Variants in GALNT2 observed in about 807,000 individuals in gnomAD.
The protein encoded by GALNT2 is UDP-GalNAc:polypeptide N-acetylgalactosaminyltransferase 2.
In GALNT2, 31 loss-of-function variants were observed where a neutral mutation model predicts 81.4. The ratio of observed to expected loss-of-function variants is 0.38; its 90% CI spans 0.29 to 0.51. The LOEUF (loss-of-function observed/expected upper bound fraction) is 0.51. Among genes scored for constraint, GALNT2 ranks in the 20% least tolerant of loss-of-function variants. GALNT2 has a pLI of 0.87. For synonymous variants in GALNT2, 303 were observed against 287.4 expected (o/e 1.05, Z -0.55); for missense variants, 629 against 765.7 (o/e 0.82, Z 2.11).
In GALNT2 at chr1:230,112,835, T is replaced by C. The variant is rs1660744538; in HGVS notation, c.126+45429T>C. On this transcript the variant is annotated intron_variant, in intron 1 of 15. Transcript: ENST00000366672. ...CAGGCCTGGCTCCGCTGGTCCACTC[T>C]TGGGCTGTGAGCCAGGACAAAATCT... is the stretch of plus-strand genomic sequence containing the variant. Among the ~76,000 whole-genome samples the C allele has an allele frequency of 3.3e-5, 5 of 152,144 alleles. 1 individual carries two copies. In the South Asian group the frequency reaches 1.0e-3, roughly 31 times the overall value.
chr1:230,242,388 T>C (rs1285502204), intron 6 of GALNT2, among the ~76,000 whole-genome samples: 1 of 152,198 alleles, frequency 6.6e-6, no homozygotes, highest in Non-Finnish European at 1.5e-5. Flanking sequence ...AAAACCCATT[T>C]TGACTGTGGA....
At chr1:230,203,847 T>TA (rs1663980572) in intron 3 of GALNT2, among the ~76,000 whole-genome samples, 1 of 152,150 alleles carries the variant, frequency 6.6e-6, no homozygotes, top group Non-Finnish European at 1.5e-5. Context: ...TTTTTAGAGA[T>TA]AGGGTCTCCC....
At position 230,104,126 on chromosome 1, in the gene GALNT2, A is replaced by G. The variant is rs199799752; in HGVS notation, c.126+36720A>G. On this transcript the variant is annotated intron_variant, in intron 1 of 15. Coordinates refer to ENST00000366672, the MANE Select transcript of GALNT2 (RefSeq NM_004481.5). The stretch of plus-strand genomic sequence containing the variant: ...TCCTGAGCGTCCTGAAGCTTCTCTT[A>G]TGGTTCTCTCCAAAGGAGTCAGCAG... Among the ~76,000 whole-genome samples the G allele has an allele frequency of 2.6e-5, 4 of 152,078 alleles. No homozygotes were observed. In the East Asian group the frequency reaches 7.7e-4, roughly 29 times the overall value.
intron 1 of GALNT2, among the ~76,000 whole-genome samples, chr1:230,153,244 G>A (rs1368868762): frequency 1.3e-5 from 2 of 152,112 alleles, no homozygotes; most frequent in Non-Finnish European, 2.9e-5. Flanking sequence ...ACATTTAAAT[G>A]AGATAAAATT....
intron 3 of GALNT2, among the ~76,000 whole-genome samples, chr1:230,234,451 T>C (rs900850564): frequency 2.0e-5 from 3 of 152,188 alleles, no homozygotes; most frequent in South Asian, 4.1e-4. Flanking sequence ...TGCCAGTGTG[T>C]TTAACTGCTA....
At chr1:230,266,274 G>C (rs1666035219) in intron 14 of GALNT2, among the ~76,000 whole-genome samples, 1 of 152,296 alleles carries the variant, frequency 6.6e-6, no homozygotes, top group Non-Finnish European at 1.5e-5. Context: ...CAAAATGAAG[G>C]CTTGATGGGC....
intron 2 of GALNT2, among the ~76,000 whole-genome samples, chr1:230,182,507 G>T (rs182589996): frequency 6.6e-6 from 1 of 152,146 alleles, no homozygotes; most frequent in African/African-American, 2.4e-5. Context: ...TTAGAAGTGC[G>T]TTGTTTAGTC....
upstream of GALNT2, among the ~76,000 whole-genome samples, chr1:230,064,743 C>T (rs577188011): frequency 1.3e-5 from 2 of 152,276 alleles, no homozygotes; most frequent in South Asian, 4.1e-4. Flanking sequence ...AACTCCTGAC[C>T]TCAGGTGATC....
chr1:230,227,461 CTATATA>C (rs982151717), intron 3 of GALNT2, among the ~76,000 whole-genome samples: 3 of 145,492 alleles, frequency 2.1e-5, no homozygotes, highest in Non-Finnish European at 3.0e-5. Context: ...TATAATACAG[CTATATA>C]TATATATGCT....
At chr1:230,253,877 A>G (rs1345378473) in intron 10 of GALNT2, among the ~76,000 whole-genome samples, 1 of 152,022 alleles carries the variant, frequency 6.6e-6, no homozygotes, top group Non-Finnish European at 1.5e-5. Context: ...CTTCTATGAG[A>G]TCAGTGTTTT....
intron 1 of GALNT2, among the ~76,000 whole-genome samples, chr1:230,171,919 C>T (rs1282526884): frequency 6.6e-6 from 1 of 151,774 alleles, no homozygotes; most frequent in African/African-American, 2.4e-5. Context: ...CAGCCCCTGC[C>T]CCCCACCCCT....
At chr1:230,146,582 A>G (rs1661922391) in intron 1 of GALNT2, among the ~76,000 whole-genome samples, 1 of 152,032 alleles carries the variant, frequency 6.6e-6, no homozygotes, top group African/African-American at 2.4e-5. Context: ...TACACTGCAC[A>G]CTCAGTATTA....
Position 230,164,382 on chromosome 1 carries a change from A to G in GALNT2, c.127-13836A>G, listed in dbSNP as rs1270525031. 6.6e-5 allele frequency among the ~76,000 whole-genome samples: 10 copies of G among 152,172 alleles called. No homozygotes were observed. In the East Asian group the frequency reaches 1.9e-3, roughly 29 times the overall value. On this transcript the variant is annotated intron_variant, in intron 1 of 15. Transcript: ENST00000366672. ...CTAACAGCGGTGATAAGCGCACAAG[A>G]TCACTTTGGTGTTTGACCCGTTTCT...
intron 11 of GALNT2, among the ~76,000 whole-genome samples, chr1:230,260,893 CTT>C (rs1224398019): frequency 3.3e-5 from 5 of 152,186 alleles, no homozygotes; most frequent in Non-Finnish European, 1.5e-5. Context: ...GTCTCTCTCT[CTT>C]GTTTGCTCAC....
At chr1:230,236,787 A>G in intron 6 of GALNT2, 62 bp downstream of exon 6, 1 of 1,509,726 alleles carries the variant, frequency 6.6e-7, no homozygotes, top group Non-Finnish European at 9.1e-7. Context: ...GTAATAACAT[A>G]AAGAAGTGCT....
Position 230,226,930 on chromosome 1 carries a change from G to A in GALNT2, c.375-9084G>A, listed in dbSNP as rs534166515. 1.0e-3 allele frequency among the ~76,000 whole-genome samples: 152 copies of A among 152,248 alleles called. 1 individual carries two copies. Among genetic ancestry groups the A allele is most frequent in the South Asian group, 3.9e-3 (19 of 4,828 alleles). On this transcript the variant is annotated intron_variant, in intron 3 of 15. Coordinates refer to ENST00000366672, the MANE Select transcript of GALNT2 (RefSeq NM_004481.5). ...GAAGGAAATAAGGAAGGTAAAAGAA[G>A]AAATTAATGAACTAAAAATCCAGTG...
At chr1:230,117,461 T>G (rs1276305527) in intron 1 of GALNT2, among the ~76,000 whole-genome samples, 1 of 152,222 alleles carries the variant, frequency 6.6e-6, no homozygotes, top group Non-Finnish European at 1.5e-5. Flanking sequence ...CAGCTTTTGA[T>G]TTAAGGTGAG....
chr1:230,080,664 A>G (rs1217092552), intron 1 of GALNT2, among the ~76,000 whole-genome samples: 3 of 152,090 alleles, frequency 2.0e-5, no homozygotes, highest in East Asian at 3.9e-4. Flanking sequence ...GGCAGAGAGG[A>G]TGCATAGCAC....
At chr1:230,199,772 A>T (rs886193098) in intron 2 of GALNT2, among the ~76,000 whole-genome samples, 5 of 152,218 alleles carry the variant, frequency 3.3e-5, no homozygotes, top group African/African-American at 1.2e-4. Context: ...CCTGTTGAAG[A>T]CGCTCCTGTG....
Sources: gnomAD v4.1 joint callset for allele counts (sites outside exome capture counted in the v4.1 genomes callset) on GRCh38, gnomAD v4.1.1 for gene constraint, MANE v1.5 for transcripts, NCBI Gene and HGNC (gene_info 2026-07-23, HGNC 2026-07-21) for gene names.